Variants in RANBP17 observed in about 807,000 individuals in gnomAD.
RANBP17 encodes the protein RAN binding protein 17, also known as ran-binding protein 17.
RANBP17 carries 158 observed loss-of-function variants against 141.2 expected under a neutral mutation model. That is an observed-to-expected ratio of 1.12 (90% CI 0.98 to 1.28). The LOEUF is 1.28. Among genes scored for constraint, RANBP17 ranks in the 50% most tolerant of loss-of-function variants. The probability of loss-of-function intolerance (pLI) is 0.00; values close to 1 mark genes in which losing one functional copy is unlikely to be tolerated. For synonymous variants in RANBP17, 430 were observed against 450.0 expected, an observed-to-expected ratio of 0.96 and a Z score of 0.56; for missense variants, 1,438 against 1,290.7, an observed-to-expected ratio of 1.11 and a Z score of -1.75.
At chr5:170,921,779 TAGCTCGGAGA>T (rs1772488337) in intron 11 of RANBP17, among the ~76,000 whole-genome samples, 1 of 152,322 alleles carries the variant, frequency 6.6e-6, no homozygotes, top group African/African-American at 2.4e-5. Context: ...TATGCTCCTT[TAGCTCGGAGA>T]AGTTTGTTAT....
At chr5:171,275,016 G>A (rs1297882345) in intron 25 of RANBP17, among the ~76,000 whole-genome samples, 2 of 152,018 alleles carry the variant, frequency 1.3e-5, no homozygotes, top group African/African-American at 4.8e-5. Flanking sequence ...CTACCTCTAA[G>A]CACAGTTTAA....
At chr5:171,215,126 C>A (rs1763143151) in intron 21 of RANBP17, among the ~76,000 whole-genome samples, 1 of 151,180 alleles carries the variant, frequency 6.6e-6, no homozygotes, top group Non-Finnish European at 1.5e-5. Context: ...CATTGTTCAA[C>A]TACCACTTAT....
At chr5:171,251,486 G>A (rs1765554970) in intron 24 of RANBP17, among the ~76,000 whole-genome samples, 1 of 150,860 alleles carries the variant, frequency 6.6e-6, no homozygotes, top group Non-Finnish European at 1.5e-5. Context: ...ACAAATAAAT[G>A]GAAATTAAAG....
chr5:171,281,087 G>A (rs956407181), intron 25 of RANBP17, among the ~76,000 whole-genome samples: 1 of 152,136 alleles, frequency 6.6e-6, no homozygotes, highest in Admixed American at 6.5e-5. Context: ...CCCTCCTGTG[G>A]TGTCATTCCC....
chr5:171,164,987 AT>A (rs1759581348), intron 14 of RANBP17, among the ~76,000 whole-genome samples: 1 of 152,044 alleles, frequency 6.6e-6, no homozygotes, highest in Non-Finnish European at 1.5e-5. Context: ...GCACCTTCTG[AT>A]TTTTTCTGTT....
chr5:171,295,773 C>T (rs1045486034), intron 26 of RANBP17, 114 bp from the exon 27 acceptor site: 7 of 1,161,310 alleles, frequency 6.0e-6, no homozygotes, highest in Non-Finnish European at 8.6e-6. Flanking sequence ...GACAAAAACT[C>T]CTCTGAGCAT....
chr5:171,208,144 C>T (rs2127965430), intron 20 of RANBP17, among the ~76,000 whole-genome samples: 1 of 152,308 alleles, frequency 6.6e-6, no homozygotes, highest in Non-Finnish European at 1.5e-5. Context: ...AAGAAACATC[C>T]TGTAAGAGCA....
intron 12 of RANBP17, among the ~76,000 whole-genome samples, chr5:170,939,154 TTATTGTA>T (rs1194873658): frequency 6.6e-6 from 1 of 152,190 alleles, no homozygotes; most frequent in East Asian, 1.9e-4. Flanking sequence ...TGCCAGGCTG[TTATTGTA>T]TATCAGCAAA....
At chr5:170,876,217 T>A (rs1768165693) in intron 1 of RANBP17, among the ~76,000 whole-genome samples, 1 of 152,122 alleles carries the variant, frequency 6.6e-6, no homozygotes, top group Admixed American at 6.5e-5. Context: ...TGGGCCAATG[T>A]ACCACCTTGC....
intron 24 of RANBP17, among the ~76,000 whole-genome samples, chr5:171,259,889 G>T (rs1423535646): frequency 1.3e-5 from 2 of 152,128 alleles, no homozygotes; most frequent in Non-Finnish European, 2.9e-5. Context: ...GCTGCAGCAG[G>T]AGAATGGCTT....
chr5:171,074,317 A>G (rs1365396779), intron 14 of RANBP17, among the ~76,000 whole-genome samples: 1 of 152,186 alleles, frequency 6.6e-6, no homozygotes, highest in Non-Finnish European at 1.5e-5. Context: ...TCAAAGCCAT[A>G]AAAAACAAGG....
At chr5:170,958,843 T>C (rs1561931745) in intron 13 of RANBP17, among the ~76,000 whole-genome samples, 1 of 152,206 alleles carries the variant, frequency 6.6e-6, no homozygotes, top group African/African-American at 2.4e-5. Flanking sequence ...CACATAATTC[T>C]AATTAAATAA....
chr5:171,224,697 C>A (rs746277321), intron 22 of RANBP17, among the ~76,000 whole-genome samples: 3 of 152,014 alleles, frequency 2.0e-5, no homozygotes, highest in Non-Finnish European at 2.9e-5. Flanking sequence ...GGGGAAGAGA[C>A]AAAACGTCCA....
At chr5:170,942,105 C>T (rs1774369147) in intron 12 of RANBP17, among the ~76,000 whole-genome samples, 1 of 152,096 alleles carries the variant, frequency 6.6e-6, no homozygotes, top group African/African-American at 2.4e-5. Flanking sequence ...TTGTGAAGTG[C>T]ACATGCGAGG....
chr5:171,065,947 G>A (rs1164225337), intron 14 of RANBP17, among the ~76,000 whole-genome samples: 1 of 151,352 alleles, frequency 6.6e-6, no homozygotes, highest in East Asian at 2.0e-4. Context: ...TGCAGCCTCT[G>A]CCTCCCGGGT....
chr5:171,111,526 A>T (rs1213415913), intron 14 of RANBP17, among the ~76,000 whole-genome samples: 2 of 152,108 alleles, frequency 1.3e-5, no homozygotes, highest in South Asian at 2.1e-4. Context: ...CTGTTAGTGC[A>T]GTCTCTCTGA....
chr5:170,955,646 GTGTATA>G (rs1775616510), intron 13 of RANBP17, among the ~76,000 whole-genome samples: 6 of 14,588 alleles, frequency 4.1e-4, no homozygotes, highest in Admixed American at 7.8e-4. Flanking sequence ...TATATGCTCA[GTGTATA>G]TATATATATA....
intron 14 of RANBP17, among the ~76,000 whole-genome samples, chr5:171,062,272 T>C (rs1487663454): frequency 2.0e-5 from 3 of 152,252 alleles, no homozygotes; most frequent in Non-Finnish European, 4.4e-5. Context: ...CTTTACAATT[T>C]GGCATAATTT....
At chr5:171,048,143 G>T (rs1365209715) in intron 14 of RANBP17, among the ~76,000 whole-genome samples, 1 of 152,058 alleles carries the variant, frequency 6.6e-6, no homozygotes. Context: ...GTTCACTGCA[G>T]CCTTGATCTC....
Sources: allele counts gnomAD v4.1 joint callset (sites outside exome capture counted in the v4.1 genomes callset), GRCh38; gene constraint gnomAD v4.1.1; transcripts MANE v1.5; gene names NCBI Gene and HGNC (gene_info 2026-07-23, HGNC 2026-07-21).